The following GOLGA7B variants were observed in gnomAD, a reference collection of about 807,000 sequenced individuals.
The protein encoded by GOLGA7B is golgin subfamily A member 7B.
GOLGA7B carries 17 observed loss-of-function variants against 21.5 expected under a neutral mutation model. That is an observed-to-expected ratio of 0.79 (90% CI 0.54 to 1.19). The LOEUF is 1.19. Ranked by LOEUF, GOLGA7B falls within the 50% of genes most tolerant of loss-of-function variation. The pLI is 0.00. For synonymous variants in GOLGA7B, 87 were observed against 84.0 expected, an observed-to-expected ratio of 1.04 and a Z score of -0.19; for missense variants, 169 against 224.4, an observed-to-expected ratio of 0.75 and a Z score of 1.58.
In GOLGA7B at chr10:97,850,276, CG is replaced by C; in HGVS notation, c.-27del. ...CGCGGAGACCCCCCTCGCCCGGCCC[CG>C]CGACAGCCTCCGAGCGCCCCCGGAT... On this transcript the variant is annotated 5_prime_UTR_variant, in exon 1 of 5. Transcript: ENST00000370602. 6.8e-7 allele frequency: 1 copy of C among 1,480,410 alleles called. No homozygotes were observed. 91.7% of individuals were successfully genotyped at this position (1,480,410 alleles called of 1,614,324 possible).
At position 97,860,375 on chromosome 10, in the gene GOLGA7B, T is replaced by TG. The variant is rs1425028294; in HGVS notation, c.138+792_138+793insG. On this transcript the variant is annotated intron_variant, in intron 2 of 4. Transcript: ENST00000370602. ...TGCTATCAAATACTAGGTCTTTTTT[T>TG]TTTTCCCTTGATGGAAATCCAGGAT... Among the ~76,000 whole-genome samples the TG allele has an allele frequency of 7.3e-5, 11 of 151,668 alleles. No homozygotes were observed. In the East Asian group the frequency reaches 2.1e-3, roughly 29 times the overall value.
chr10:97,855,878 A>G (rs2049932101), intron 1 of GOLGA7B, among the ~76,000 whole-genome samples: 1 of 152,224 alleles, frequency 6.6e-6, no homozygotes, highest in Admixed American at 6.5e-5. Flanking sequence ...AGGAGGGCTT[A>G]TACATTATTT....
rs2136525500 is a variant in GOLGA7B at position 97,868,943 on chromosome 10, C to CA, written c.*3244dup. ...TACATAATTAGTCATTCAATTCTCA[C>CA]AGCAACCCTCTATGGCATGGATTCT... On this transcript the variant is annotated 3_prime_UTR_variant, in exon 5 of 5. Transcript: ENST00000370602. 2 of 152,376 alleles carry CA rather than the reference C, an allele frequency of 1.3e-5. 1 individual carries two copies. Among genetic ancestry groups the CA allele is most frequent in the South Asian group, 4.1e-4 (2 of 4,830 alleles). The allele number at this position is 152,376 out of a possible 1,614,324, so 9.4% of individuals were successfully genotyped here.
At chr10:97,859,615 A>G (rs1426310528) in intron 2 of GOLGA7B, 32 bp downstream of exon 2, 1 of 1,609,448 alleles carries the variant, frequency 6.2e-7, no homozygotes, top group Admixed American at 1.7e-5. Context: ...CTTGGAACCC[A>G]GGGCTGTGAT....
At position 97,866,373 on chromosome 10, in the gene GOLGA7B, C is replaced by T. The variant is rs1195683608; in HGVS notation, c.*673C>T. 1 of 152,262 alleles carries T rather than the reference C, an allele frequency of 6.6e-6. No individual in the cohort carries two copies. Among genetic ancestry groups the T allele is most frequent in the Non-Finnish European group, 1.5e-5 (1 of 68,114 alleles). The allele number at this position is 152,262 out of a possible 1,614,324, so 9.4% of individuals were successfully genotyped here. On this transcript the variant is annotated 3_prime_UTR_variant, in exon 5 of 5. Transcript: ENST00000370602. ...CCAACTTTGAGACTTTGCAGGCTGC[C>T]AGGTGCTGGTTGGGGGGCACAGAGC... is the stretch of plus-strand genomic sequence containing the variant.
chr10:97,853,589 T>C (rs1328688080), intron 1 of GOLGA7B, among the ~76,000 whole-genome samples: 1 of 152,158 alleles, frequency 6.6e-6, no homozygotes, highest in African/African-American at 2.4e-5. Flanking sequence ...CTCGGCCCTG[T>C]CTTCACTCTG....
chr10:97,854,076 A>G (rs2049920369), intron 1 of GOLGA7B, among the ~76,000 whole-genome samples: 1 of 152,208 alleles, frequency 6.6e-6, no homozygotes, highest in Admixed American at 6.5e-5. Context: ...AGTGCTGGCA[A>G]CCTGGGTATA....
chr10:97,852,908 G>C, intron 1 of GOLGA7B, among the ~76,000 whole-genome samples: 1 of 152,150 alleles, frequency 6.6e-6, no homozygotes, highest in East Asian at 1.9e-4. Context: ...CCCATTTTCT[G>C]AGCAGCAAAC....
chr10:97,859,102 G>A (rs1256215284), intron 1 of GOLGA7B, among the ~76,000 whole-genome samples: 1 of 152,236 alleles, frequency 6.6e-6, no homozygotes, highest in Non-Finnish European at 1.5e-5. Context: ...CACCCAGGCT[G>A]GAGTGCAGTG....
intron 2 of GOLGA7B, among the ~76,000 whole-genome samples, chr10:97,859,943 C>T (rs1326101839): frequency 6.6e-6 from 1 of 152,162 alleles, no homozygotes; most frequent in Non-Finnish European, 1.5e-5. Flanking sequence ...GACTGTGGCT[C>T]AGGAGTCTCC....
At chr10:97,859,629 A>G in intron 2 of GOLGA7B, 46 bp downstream of exon 2, 1 of 1,594,750 alleles carries the variant, frequency 6.3e-7, no homozygotes, top group African/African-American at 1.3e-5. Flanking sequence ...CTGTGATGGA[A>G]CTGAGGTTCT....
chr10:97,855,796 G>A (rs939456829), intron 1 of GOLGA7B, among the ~76,000 whole-genome samples: 2 of 152,144 alleles, frequency 1.3e-5, no homozygotes, highest in Non-Finnish European at 2.9e-5. Flanking sequence ...GTTATCATAG[G>A]TTCCTAGTAG....
At chr10:97,865,490 A>G (rs1331079908) in intron 4 of GOLGA7B, 100 bp from the exon 5 acceptor site, 10 of 1,554,784 alleles carry the variant, frequency 6.4e-6, no homozygotes, top group Admixed American at 1.8e-5. Flanking sequence ...CAGCAGCACA[A>G]GCCCACTTTC....
rs1564868455 is a variant in GOLGA7B at position 97,866,360 on chromosome 10, CT to C, written c.*663del. 6.6e-6 allele frequency: 1 copy of C among 152,306 alleles called. No homozygotes were observed. The highest frequency in any genetic ancestry group is 2.1e-4 in the South Asian group (1 of 4,824). 9.4% of individuals were successfully genotyped at this position (152,306 alleles called of 1,614,324 possible). A position where few individuals can be genotyped will look rare whatever the true frequency, so the allele number is the denominator to read the frequency against. On this transcript the variant is annotated 3_prime_UTR_variant, in exon 5 of 5. Transcript: ENST00000370602. ...TTGCGAGAAGCATCCAACTTTGAGA[CT>C]TTGCAGGCTGCCAGGTGCTGGTTGG...
chr10:97,855,622 A>C (rs975023624), intron 1 of GOLGA7B, among the ~76,000 whole-genome samples: 1 of 152,206 alleles, frequency 6.6e-6, no homozygotes, highest in Non-Finnish European at 1.5e-5. Flanking sequence ...AGGGGAGTCC[A>C]TCCTCAAGAT....
At chr10:97,858,878 C>T (rs138184515) in intron 1 of GOLGA7B, among the ~76,000 whole-genome samples, 1,621 of 152,354 alleles carry the variant, frequency 0.011, 11 homozygotes, top group Non-Finnish European at 0.016. Flanking sequence ...TTGTGAGCTC[C>T]ACTTGGCAGG....
At chr10:97,857,486 G>T (rs2136514639) in intron 1 of GOLGA7B, among the ~76,000 whole-genome samples, 1 of 151,198 alleles carries the variant, frequency 6.6e-6, no homozygotes, top group African/African-American at 2.4e-5. Flanking sequence ...ACAGACAAAT[G>T]GAAAGACATC....
chr10:97,860,602 C>T (rs2049965103), intron 2 of GOLGA7B, among the ~76,000 whole-genome samples: 1 of 152,236 alleles, frequency 6.6e-6, no homozygotes, highest in African/African-American at 2.4e-5. Context: ...ATCCGCCCTC[C>T]TCGGCCTCCC....
rs1480050928 is a variant in GOLGA7B at position 97,861,843 on chromosome 10, G to A, written c.139-2087G>A. 6.4e-4 allele frequency among the ~76,000 whole-genome samples: 98 copies of A among 152,352 alleles called. 1 individual carries two copies. The highest frequency in any genetic ancestry group is 1.5e-5 in the Non-Finnish European group (1 of 68,034). On this transcript the variant is annotated intron_variant, in intron 2 of 4. Coordinates refer to ENST00000370602, the MANE Select transcript of GOLGA7B (RefSeq NM_001010917.3). ...GTGACCCCCAGGGTGGAGCAGCAGGGCTTGTGGCATGGACTAGATGGGCAG... is the reference window on the plus strand; with the variant it reads ...GTGACCCCCAGGGTGGAGCAGCAGGACTTGTGGCATGGACTAGATGGGCAG...
Sources: gnomAD v4.1 joint callset for allele counts (sites outside exome capture counted in the v4.1 genomes callset) on GRCh38, gnomAD v4.1.1 for gene constraint, MANE v1.5 for transcripts, NCBI Gene and HGNC (gene_info 2026-07-23, HGNC 2026-07-21) for gene names.